The following CTNNA3 variants were observed in gnomAD, a reference collection of about 807,000 sequenced individuals.
The protein encoded by CTNNA3 is catenin alpha-3.
A neutral mutation model predicts 95.7 loss-of-function variants in CTNNA3; 76 were observed. The observed-to-expected ratio is 0.79, with a 90% CI of 0.66 to 0.96. The LOEUF is 0.96. CTNNA3 is among the 40% of genes least tolerant of loss of function. The pLI, the probability that CTNNA3 is intolerant of heterozygous loss-of-function variation, is 0.00. For missense variants in CTNNA3, 1,191 were observed against 1,089.8 expected (o/e 1.09, Z -1.31); for synonymous variants, 431 against 374.4 (o/e 1.15, Z -1.74).
At chr10:66,610,140 C>T (rs1844275199) in intron 10 of CTNNA3, among the ~76,000 whole-genome samples, 1 of 152,058 alleles carries the variant, frequency 6.6e-6, no homozygotes, top group Admixed American at 6.6e-5. Flanking sequence ...GGGAAAATAA[C>T]TAATGGGTAC....
intron 13 of CTNNA3, among the ~76,000 whole-genome samples, chr10:66,272,262 C>A (rs1041000841): frequency 2.0e-5 from 3 of 152,180 alleles, no homozygotes; most frequent in Non-Finnish European, 2.9e-5. Context: ...AGTGTTTTAA[C>A]TGGCATTCCA....
Position 67,054,109 on chromosome 10 carries a change from G to A in CTNNA3, c.1047+126208C>T, listed in dbSNP as rs1041772209. Among the ~76,000 whole-genome samples the A allele has an allele frequency of 3.9e-5, 6 of 152,024 alleles. 1 individual carries two copies. In the South Asian group the frequency reaches 6.2e-4, roughly 16 times the overall value. ...AAAAGTAAGCAGCTTAGTATCCATC[G>A]CTCCTTTATAATTCCACATATTCAC... On this transcript the variant is annotated intron_variant, in intron 7 of 17. Transcript: ENST00000433211.
chr10:67,525,660 G>A (rs1589389544), intron 4 of CTNNA3, among the ~76,000 whole-genome samples: 1 of 151,000 alleles, frequency 6.6e-6, no homozygotes, highest in South Asian at 2.1e-4. Flanking sequence ...GAAACAGCAG[G>A]AAAAAAAAAT....
intron 7 of CTNNA3, among the ~76,000 whole-genome samples, chr10:66,878,462 A>G (rs1844713941): frequency 1.3e-5 from 2 of 152,266 alleles, no homozygotes; most frequent in South Asian, 4.1e-4. Flanking sequence ...TATTCACAAC[A>G]AATTAAATTC....
chr10:67,680,302 A>C (rs1426974647), intron 1 of CTNNA3, among the ~76,000 whole-genome samples: 1 of 152,220 alleles, frequency 6.6e-6, no homozygotes. Flanking sequence ...AAAGCATTTC[A>C]TATTTTAACA....
intron 15 of CTNNA3, among the ~76,000 whole-genome samples, chr10:66,010,108 G>C (rs1438840551): frequency 2.0e-5 from 3 of 150,884 alleles, no homozygotes; most frequent in African/African-American, 7.3e-5. Flanking sequence ...AATCATTTTT[G>C]AAACCAAAAT....
chr10:66,216,072 TTGA>T (rs1303962618), intron 13 of CTNNA3, among the ~76,000 whole-genome samples: 1 of 152,264 alleles, frequency 6.6e-6, no homozygotes, highest in African/African-American at 2.4e-5. Context: ...GTGTTGACTC[TTGA>T]TTAACCCCTG....
intron 3 of CTNNA3, among the ~76,000 whole-genome samples, chr10:67,598,941 C>T (rs1247944002): frequency 6.6e-6 from 1 of 151,990 alleles, no homozygotes; most frequent in African/African-American, 2.4e-5. Context: ...GAAACCAATA[C>T]TCATAAGGAA....
At chr10:66,360,765 T>C (rs2092659541) in intron 12 of CTNNA3, among the ~76,000 whole-genome samples, 1 of 108,746 alleles carries the variant, frequency 9.2e-6, no homozygotes, top group Non-Finnish European at 1.8e-5. Context: ...CCTTCCTTCC[T>C]TCCTTTTCTT....
chr10:66,092,336 A>T (rs1215452328), intron 14 of CTNNA3, among the ~76,000 whole-genome samples: 6 of 151,934 alleles, frequency 3.9e-5, no homozygotes, highest in African/African-American at 1.2e-4. Context: ...CCTTTAAAAC[A>T]TGTCATATCA....
chr10:66,262,662 A>G (rs1369793963), intron 13 of CTNNA3, among the ~76,000 whole-genome samples: 2 of 152,056 alleles, frequency 1.3e-5, no homozygotes, highest in Admixed American at 1.3e-4. Flanking sequence ...GGATACATAC[A>G]AAATTATTGA....
chr10:66,088,944 A>G (rs1202689458), intron 14 of CTNNA3, among the ~76,000 whole-genome samples: 1 of 152,036 alleles, frequency 6.6e-6, no homozygotes, highest in Non-Finnish European at 1.5e-5. Context: ...ATTTCTTCTT[A>G]TTAATTTGTG....
intron 5 of CTNNA3, among the ~76,000 whole-genome samples, chr10:67,373,958 A>C (rs938813665): frequency 2.0e-5 from 3 of 152,190 alleles, no homozygotes; most frequent in African/African-American, 7.2e-5. Flanking sequence ...CTTAGTTGTA[A>C]TGTTTAATGT....
intron 9 of CTNNA3, among the ~76,000 whole-genome samples, chr10:66,716,452 A>C (rs1473532729): frequency 6.6e-6 from 1 of 152,144 alleles, no homozygotes; most frequent in Non-Finnish European, 1.5e-5. Context: ...CAAACTGCAA[A>C]TGTTCATGGC....
At chr10:66,756,150 T>C (rs1400726271) in intron 9 of CTNNA3, among the ~76,000 whole-genome samples, 1 of 152,096 alleles carries the variant, frequency 6.6e-6, no homozygotes, top group Non-Finnish European at 1.5e-5. Context: ...TTTGACACAA[T>C]GATCTGACTA....
intron 12 of CTNNA3, among the ~76,000 whole-genome samples, chr10:66,327,124 A>T (rs2092263722): frequency 2.0e-5 from 3 of 152,124 alleles, no homozygotes; most frequent in Admixed American, 2.0e-4. Context: ...CCTGGAAAAC[A>T]ATGTCAAAAT....
chr10:67,449,094 G>A (rs1402836518), intron 5 of CTNNA3, among the ~76,000 whole-genome samples: 2 of 151,686 alleles, frequency 1.3e-5, no homozygotes, highest in South Asian at 4.1e-4. Flanking sequence ...GACACAAAAC[G>A]AATTAAAAAC....
chr10:66,219,574 C>T (rs1199863167), intron 13 of CTNNA3, among the ~76,000 whole-genome samples: 2 of 152,082 alleles, frequency 1.3e-5, no homozygotes, highest in Non-Finnish European at 2.9e-5. Flanking sequence ...CTCCTCTTAA[C>T]AGCCACATGA....
intron 3 of CTNNA3, among the ~76,000 whole-genome samples, chr10:67,553,111 C>T (rs1205851488): frequency 6.6e-6 from 1 of 152,038 alleles, no homozygotes; most frequent in Non-Finnish European, 1.5e-5. Context: ...TCAATTTGAG[C>T]AGGAATTTAG....
Sources: gnomAD v4.1 joint callset for allele counts (sites outside exome capture counted in the v4.1 genomes callset) on GRCh38, gnomAD v4.1.1 for gene constraint, MANE v1.5 for transcripts, NCBI Gene and HGNC (gene_info 2026-07-23, HGNC 2026-07-21) for gene names.